RANGAP1: variants seen among roughly 807,000 people sequenced by gnomAD.
The protein encoded by RANGAP1 is Ran GTPase activating protein 1.
A neutral mutation model predicts 63.5 loss-of-function variants in RANGAP1; 38 were observed. The ratio of observed to expected loss-of-function variants is 0.60; its 90% CI spans 0.46 to 0.78. The LOEUF (loss-of-function observed/expected upper bound fraction) is 0.78, where lower values mean the gene tolerates loss of function less well. Among genes scored for constraint, RANGAP1 ranks in the 30% least tolerant of loss-of-function variants. The pLI is 0.00. For missense variants in RANGAP1, 630 were observed against 740.3 expected (o/e 0.85, Z 1.73); for synonymous variants, 329 against 310.5 (o/e 1.06, Z -0.63).
At chr22:41,283,109 G>A (rs2035579113) in intron 1 of RANGAP1, among the ~76,000 whole-genome samples, 1 of 151,848 alleles carries the variant, frequency 6.6e-6, no homozygotes, top group African/African-American at 2.4e-5. Context: ...ACTGTGTGCT[G>A]GATGTTGTTC....
chr22:41,289,453 C>G (rs1201399193), upstream of RANGAP1, among the ~76,000 whole-genome samples: 1 of 151,824 alleles, frequency 6.6e-6, no homozygotes, highest in Non-Finnish European at 1.5e-5. Flanking sequence ...GAAACCCTGT[C>G]TCTACTAAAA....
chr22:41,294,624 C>T, the RANGAP1 span, among the ~76,000 whole-genome samples: 1 of 144,526 alleles, frequency 6.9e-6, no homozygotes, highest in Admixed American at 6.9e-5. Context: ...TCTTCCCGGC[C>T]GCCATCCCAT....
intron 15 of RANGAP1, among the ~76,000 whole-genome samples, chr22:41,247,344 C>A (rs552336275): frequency 1.3e-5 from 2 of 151,838 alleles, no homozygotes; most frequent in East Asian, 1.9e-4. Context: ...CGTGAGCCAC[C>A]GCGCCAGGCT....
At chr22:41,255,576 G>T (rs1482548922) in intron 10 of RANGAP1, among the ~76,000 whole-genome samples, 2 of 135,876 alleles carry the variant, frequency 1.5e-5, no homozygotes, top group African/African-American at 5.5e-5. Flanking sequence ...ATCAGGATGA[G>T]ATCTGGCCTC....
At chr22:41,281,138 G>A in intron 1 of RANGAP1, 56 bp from the exon 2 acceptor site, 1 of 1,451,868 alleles carries the variant, frequency 6.9e-7, no homozygotes, top group Non-Finnish European at 9.1e-7. Flanking sequence ...CCCTGGTTGG[G>A]GGCAGGGTAG....
In RANGAP1 at chr22:41,246,443, C is replaced by T; in HGVS notation, c.*160G>A. 1.4e-6 allele frequency: 1 copy of T among 714,494 alleles called. No individual in the cohort carries two copies. The highest frequency in any genetic ancestry group is 1.8e-5 in the South Asian group (1 of 54,256). The allele number at this position is 714,494 out of a possible 1,614,324, so 44.3% of individuals were successfully genotyped here. A position where few individuals can be genotyped will look rare whatever the true frequency, so the allele number is the denominator to read the frequency against. On this transcript the variant is annotated 3_prime_UTR_variant, in exon 16 of 16. Coordinates refer to ENST00000356244, the MANE Select transcript of RANGAP1 (RefSeq NM_002883.4). Reference sequence around the variant, plus strand: ...CACAGACCTGCACATGCGCCACACCCACACACATACTCAGGGGACTGACAG... The same window carrying T: ...CACAGACCTGCACATGCGCCACACCTACACACATACTCAGGGGACTGACAG...
chr22:41,263,688 C>G, intron 5 of RANGAP1, among the ~76,000 whole-genome samples: 1 of 152,188 alleles, frequency 6.6e-6, no homozygotes, highest in East Asian at 1.9e-4. Flanking sequence ...CCACCGTGCC[C>G]GGCCCATTTT....
chr22:41,254,219 G>A (rs2033663004), intron 11 of RANGAP1, 89 bp downstream of exon 11: 2 of 1,454,106 alleles, frequency 1.4e-6, no homozygotes, highest in Admixed American at 3.8e-5. Flanking sequence ...TGTGCTTAAG[G>A]AGACACCCCC....
intron 6 of RANGAP1, among the ~76,000 whole-genome samples, chr22:41,260,504 C>G (rs1017031465): frequency 2.6e-5 from 4 of 152,152 alleles, no homozygotes; most frequent in Non-Finnish European, 4.4e-5. Flanking sequence ...CATTCCGGCC[C>G]GTATGAGCAA....
chr22:41,291,100 C>A (rs892940415), upstream of RANGAP1, among the ~76,000 whole-genome samples: 2 of 152,218 alleles, frequency 1.3e-5, no homozygotes, highest in African/African-American at 4.8e-5. Flanking sequence ...TGATAAATAA[C>A]CATCATTACA....
chr22:41,270,682 C>T (rs1288104214), intron 3 of RANGAP1, among the ~76,000 whole-genome samples: 2 of 152,114 alleles, frequency 1.3e-5, no homozygotes, highest in Non-Finnish European at 2.9e-5. Context: ...CTCCTGGGAT[C>T]ACGTGATCTG....
At chr22:41,278,984 T>C (rs2035321979) in intron 2 of RANGAP1, among the ~76,000 whole-genome samples, 2 of 151,744 alleles carry the variant, frequency 1.3e-5, no homozygotes, top group African/African-American at 4.8e-5. Flanking sequence ...CTACTAAAAA[T>C]ACAAAAAAAT....
rs6002300 is a variant in RANGAP1 at position 41,253,831 on chromosome 22, G to A, written c.1260+477C>T. Among the ~76,000 whole-genome samples, 353 of 152,262 alleles carry A rather than the reference G, an allele frequency of 2.3e-3. 3 individuals are homozygous for A. Among genetic ancestry groups the A allele is most frequent in the Middle Eastern group, 0.017 (5 of 294 alleles). ...TAGAAATATAGGTAACTATGGCTGG[G>A]CCCGGTGGCTCAATGCCTGTAATCC... On this transcript the variant is annotated intron_variant, in intron 11 of 15. Coordinates refer to ENST00000356244, the MANE Select transcript of RANGAP1 (RefSeq NM_002883.4).
intron 4 of RANGAP1, among the ~76,000 whole-genome samples, chr22:41,267,795 G>C (rs141013431): frequency 6.6e-6 from 1 of 152,210 alleles, no homozygotes; most frequent in Non-Finnish European, 1.5e-5. Context: ...ATCATATTGG[G>C]GTGAAATCCA....
At chr22:41,255,046 GGA>G (rs1282987230) in intron 10 of RANGAP1, among the ~76,000 whole-genome samples, 1 of 152,018 alleles carries the variant, frequency 6.6e-6, no homozygotes, top group Non-Finnish European at 1.5e-5. Flanking sequence ...CAGGTTTCAT[GGA>G]GAGACAGAAA....
intron 3 of RANGAP1, among the ~76,000 whole-genome samples, chr22:41,271,757 T>C (rs1265653634): frequency 6.6e-6 from 1 of 151,498 alleles, no homozygotes; most frequent in Non-Finnish European, 1.5e-5. Flanking sequence ...CCTAGTTGTG[T>C]GACTCTGGGC....
chr22:41,294,003 T>C, the RANGAP1 span, among the ~76,000 whole-genome samples: 1 of 151,018 alleles, frequency 6.6e-6, no homozygotes, highest in East Asian at 1.9e-4. Context: ...CAGCCCATCC[T>C]GCAGTTAGAA....
chr22:41,264,917 C>G, intron 4 of RANGAP1, 74 bp from the exon 5 acceptor site: 1 of 1,458,406 alleles, frequency 6.9e-7, no homozygotes, highest in East Asian at 2.3e-5. Context: ...CTGTGCCAGG[C>G]CCAGCTCTGC....
intron 3 of RANGAP1, among the ~76,000 whole-genome samples, chr22:41,268,419 C>A (rs983817809): frequency 1.3e-5 from 2 of 152,052 alleles, no homozygotes; most frequent in African/African-American, 4.8e-5. Flanking sequence ...CTATGCCTGG[C>A]AAATTTTGTA....
Sources: allele counts gnomAD v4.1 joint callset (sites outside exome capture counted in the v4.1 genomes callset), GRCh38; gene constraint gnomAD v4.1.1; transcripts MANE v1.5; gene names NCBI Gene and HGNC (gene_info 2026-07-23, HGNC 2026-07-21).